Variants in PKIB observed in about 807,000 individuals in gnomAD.
The protein encoded by PKIB is PKI-beta.
PKIB carries 2 observed loss-of-function variants against 4.5 expected under a neutral mutation model. The observed-to-expected ratio is 0.44, with a 90% CI of 0.18 to 1.39. The LOEUF is 1.39. PKIB is among the 40% of genes most tolerant of loss of function. The pLI, the probability that PKIB is intolerant of heterozygous loss-of-function variation, is 0.27. For synonymous variants in PKIB, 38 were observed against 36.0 expected, an observed-to-expected ratio of 1.06 and a Z score of -0.20; for missense variants, 94 against 92.6, an observed-to-expected ratio of 1.02 and a Z score of -0.06.
chr6:122,670,246 AG>A (rs1212162754), intron 2 of PKIB, among the ~76,000 whole-genome samples: 2 of 152,132 alleles, frequency 1.3e-5, no homozygotes, highest in Non-Finnish European at 2.9e-5. Context: ...CAGCATGGAA[AG>A]CTTGGTAATA....
intron 2 of PKIB, among the ~76,000 whole-genome samples, chr6:122,522,758 C>G (rs1225767603): frequency 6.6e-6 from 1 of 152,276 alleles, no homozygotes; most frequent in Admixed American, 6.5e-5. Context: ...CTAACCAGTT[C>G]CAGTGAGATG....
chr6:122,686,008 T>C (rs1778079136), intron 3 of PKIB, among the ~76,000 whole-genome samples: 1 of 152,240 alleles, frequency 6.6e-6, no homozygotes, highest in Admixed American at 6.5e-5. Flanking sequence ...TATGGCTGAA[T>C]AGTACTCCAT....
intron 2 of PKIB, among the ~76,000 whole-genome samples, chr6:122,501,738 C>T (rs182762329): frequency 6.6e-6 from 1 of 152,248 alleles, no homozygotes; most frequent in African/African-American, 2.4e-5. Context: ...GCGCTGAAGG[C>T]AATTTCCTCA....
chr6:122,664,772 T>C (rs1367058313), intron 2 of PKIB, among the ~76,000 whole-genome samples: 1 of 152,192 alleles, frequency 6.6e-6, no homozygotes, highest in African/African-American at 2.4e-5. Flanking sequence ...TGCCTTTAAA[T>C]TTAATTTAAT....
intron 2 of PKIB, among the ~76,000 whole-genome samples, chr6:122,556,561 C>G (rs1772848164): frequency 6.6e-6 from 1 of 152,156 alleles, no homozygotes; most frequent in African/African-American, 2.4e-5. Context: ...TCCATGCTCC[C>G]ATACAAGCTG....
intron 2 of PKIB, among the ~76,000 whole-genome samples, chr6:122,584,302 A>G (rs1441571060): frequency 6.6e-6 from 1 of 152,152 alleles, no homozygotes; most frequent in African/African-American, 2.4e-5. Context: ...GGTAACATCA[A>G]ATGAATAAGT....
intron 2 of PKIB, among the ~76,000 whole-genome samples, chr6:122,534,535 T>C (rs931990108): frequency 3.3e-5 from 5 of 152,140 alleles, no homozygotes; most frequent in African/African-American, 1.2e-4. Context: ...GTAGAAGGGC[T>C]AAACTAGCAC....
At chr6:122,574,169 C>T in intron 2 of PKIB, among the ~76,000 whole-genome samples, 1 of 152,074 alleles carries the variant, frequency 6.6e-6, no homozygotes, top group East Asian at 1.9e-4. Flanking sequence ...CCTTTTGCAA[C>T]AGCTGCAAAA....
chr6:122,669,171 A>T (rs148266121), intron 2 of PKIB, among the ~76,000 whole-genome samples: 1 of 152,202 alleles, frequency 6.6e-6, no homozygotes, highest in Non-Finnish European at 1.5e-5. Flanking sequence ...TATTGTGAGA[A>T]TTTAAAAAGG....
chr6:122,664,922 T>C (rs1381338534), intron 2 of PKIB, among the ~76,000 whole-genome samples: 2 of 152,306 alleles, frequency 1.3e-5, no homozygotes, highest in African/African-American at 4.8e-5. Flanking sequence ...ATTAATACAT[T>C]TTAAAATTCA....
At chr6:122,663,077 T>C (rs1777072714) in intron 2 of PKIB, among the ~76,000 whole-genome samples, 1 of 152,218 alleles carries the variant, frequency 6.6e-6, no homozygotes, top group African/African-American at 2.4e-5. Context: ...TTCAGTGTGT[T>C]GAAACTTCTG....
At chr6:122,548,007 G>A (rs990562875) in intron 2 of PKIB, among the ~76,000 whole-genome samples, 1 of 152,090 alleles carries the variant, frequency 6.6e-6, no homozygotes, top group Admixed American at 6.5e-5. Flanking sequence ...TGGATACACA[G>A]GTTATACACA....
rs112095053 is a variant in PKIB at position 122,702,326 on chromosome 6, CTTTT to C, written c.-8-15443_-8-15440del. 3.3e-4 allele frequency among the ~76,000 whole-genome samples: 32 copies of C among 97,256 alleles called. 1 individual carries two copies. The highest frequency in any genetic ancestry group is 3.4e-4 in the African/African-American group (8 of 23,656). The allele number at this position is 97,256 out of a possible 152,430, so 63.8% of individuals were successfully genotyped here. The stretch of plus-strand genomic sequence containing the variant: ...GGTCTCAGGTAATTTTTTAAAAAAA[CTTTT>C]TTTTTTTTTTTTTTTTTGAGATGGA... On this transcript the variant is annotated intron_variant, in intron 3 of 4. Coordinates refer to ENST00000368452, the MANE Select transcript of PKIB (RefSeq NM_181795.3).
chr6:122,657,319 G>A (rs756927438), intron 2 of PKIB, among the ~76,000 whole-genome samples: 25 of 152,268 alleles, frequency 1.6e-4, no homozygotes, highest in South Asian at 4.2e-4. Context: ...GGGCACACAT[G>A]AACATCACCA....
At chr6:122,474,058 A>G (rs1775386192) in intron 1 of PKIB, among the ~76,000 whole-genome samples, 1 of 152,182 alleles carries the variant, frequency 6.6e-6, no homozygotes. Flanking sequence ...GCTTGAACCC[A>G]GGAGGCAGAG....
intron 3 of PKIB, among the ~76,000 whole-genome samples, chr6:122,685,008 A>G (rs1778042407): frequency 6.6e-6 from 1 of 152,204 alleles, no homozygotes; most frequent in Non-Finnish European, 1.5e-5. Flanking sequence ...TTTTAAATTG[A>G]GAAAACACAT....
chr6:122,654,950 CA>C (rs964490362), intron 2 of PKIB, among the ~76,000 whole-genome samples: 20 of 152,168 alleles, frequency 1.3e-4, no homozygotes, highest in Admixed American at 1.1e-3. Context: ...TCCTGCATTT[CA>C]GTTAATATTC....
At chr6:122,653,252 G>A (rs1776635476) in intron 2 of PKIB, among the ~76,000 whole-genome samples, 2 of 152,162 alleles carry the variant, frequency 1.3e-5, no homozygotes, top group Non-Finnish European at 2.9e-5. Flanking sequence ...TGAGTGAAAG[G>A]AGCACATTCC....
intron 2 of PKIB, among the ~76,000 whole-genome samples, chr6:122,662,414 CA>C (rs1267211721): frequency 1.4e-5 from 2 of 145,414 alleles, no homozygotes; most frequent in African/African-American, 5.1e-5. Context: ...CTCCCGGGTT[CA>C]AGCAATTCTT....
Sources: gnomAD v4.1 joint callset for allele counts (sites outside exome capture counted in the v4.1 genomes callset) on GRCh38, gnomAD v4.1.1 for gene constraint, MANE v1.5 for transcripts, NCBI Gene and HGNC (gene_info 2026-07-23, HGNC 2026-07-21) for gene names.